The following LEPR variants were observed in gnomAD, a reference collection of about 807,000 sequenced individuals.
LEPR encodes leptin receptor.
A neutral mutation model predicts 114.7 loss-of-function variants in LEPR; 56 were observed. That is an observed-to-expected ratio of 0.49 (90% CI 0.39 to 0.61). The LOEUF is 0.61. Ranked by LOEUF, LEPR falls within the 20% of genes least tolerant of loss-of-function variation. The probability of loss-of-function intolerance (pLI) is 0.00; values close to 1 mark genes in which losing one functional copy is unlikely to be tolerated. For synonymous variants in LEPR, 443 were observed against 461.4 expected, an observed-to-expected ratio of 0.96 and a Z score of 0.51; for missense variants, 1,202 against 1,352.9, an observed-to-expected ratio of 0.89 and a Z score of 1.75.
At chr1:65,549,450 C>A (rs1178894512) in intron 2 of LEPR, among the ~76,000 whole-genome samples, 1 of 152,178 alleles carries the variant, frequency 6.6e-6, no homozygotes, top group Non-Finnish European at 1.5e-5. Context: ...TCAGGTACAC[C>A]AATCAGACGC....
chr1:65,546,239 A>T (rs1451317813), intron 2 of LEPR, among the ~76,000 whole-genome samples: 7 of 151,904 alleles, frequency 4.6e-5, no homozygotes, highest in Non-Finnish European at 1.0e-4. Context: ...AGTCAGGTAG[A>T]GTGATGCCTC....
At chr1:65,603,423 T>C (rs1326791962) in intron 10 of LEPR, among the ~76,000 whole-genome samples, 4 of 151,832 alleles carry the variant, frequency 2.6e-5, no homozygotes, top group Non-Finnish European at 5.9e-5. Flanking sequence ...GTATAGAAAA[T>C]AGAAAATGAC....
chr1:65,444,432 G>T (rs1646688040), intron 2 of LEPR, among the ~76,000 whole-genome samples: 1 of 152,050 alleles, frequency 6.6e-6, no homozygotes, highest in African/African-American at 2.4e-5. Flanking sequence ...CAACTATCTG[G>T]CCCTTCTTTG....
intron 19 of LEPR, among the ~76,000 whole-genome samples, chr1:65,630,762 T>C (rs1658486888): frequency 1.3e-5 from 2 of 152,062 alleles, no homozygotes; most frequent in Admixed American, 6.6e-5. Context: ...AGTGCTTCTG[T>C]TGGATTTTTA....
intron 2 of LEPR, among the ~76,000 whole-genome samples, chr1:65,431,506 T>A (rs1281063395): frequency 1.3e-5 from 2 of 152,258 alleles, no homozygotes; most frequent in Non-Finnish European, 2.9e-5. Flanking sequence ...GTAATTGCAC[T>A]ATTTATAATC....
intron 18 of LEPR, among the ~76,000 whole-genome samples, chr1:65,622,212 T>C (rs997914602): frequency 2.6e-5 from 4 of 152,150 alleles, no homozygotes; most frequent in Non-Finnish European, 4.4e-5. Context: ...CAGTATGTTC[T>C]TGGAGGTGGC....
chr1:65,606,509 G>A (rs1229860455), intron 11 of LEPR, among the ~76,000 whole-genome samples: 1 of 152,090 alleles, frequency 6.6e-6, no homozygotes, highest in Non-Finnish European at 1.5e-5. Flanking sequence ...CTTTAAATCC[G>A]GACTAGCCAC....
intron 14 of LEPR, among the ~76,000 whole-genome samples, chr1:65,613,956 G>C (rs929477482): frequency 6.6e-6 from 1 of 151,856 alleles, no homozygotes; most frequent in African/African-American, 2.4e-5. Flanking sequence ...ACAAATTGCT[G>C]GTGAGGATGC....
intron 5 of LEPR, among the ~76,000 whole-genome samples, chr1:65,586,256 C>G (rs1382944620): frequency 6.6e-6 from 1 of 151,010 alleles, no homozygotes; most frequent in Non-Finnish European, 1.5e-5. Context: ...TGTTAGTTCC[C>G]TCAAAGGGTG....
chr1:65,451,837 G>A (rs1026681854), intron 2 of LEPR, among the ~76,000 whole-genome samples: 41 of 152,014 alleles, frequency 2.7e-4, no homozygotes, highest in African/African-American at 8.5e-4. Flanking sequence ...AGCTTGATGG[G>A]TATGGCATTG....
At chr1:65,461,460 G>A (rs534096973) in intron 2 of LEPR, among the ~76,000 whole-genome samples, 3 of 152,202 alleles carry the variant, frequency 2.0e-5, no homozygotes, top group Non-Finnish European at 4.4e-5. Context: ...TGTAGCCAGA[G>A]AAGGGTTCCT....
chr1:65,508,275 T>G (rs1427059366), intron 2 of LEPR, among the ~76,000 whole-genome samples: 1 of 152,196 alleles, frequency 6.6e-6, no homozygotes, highest in African/African-American at 2.4e-5. Flanking sequence ...ACCAATGTCG[T>G]GAAACTTTTC....
intron 2 of LEPR, among the ~76,000 whole-genome samples, chr1:65,446,428 T>C (rs541727363): frequency 2.6e-4 from 40 of 152,212 alleles, no homozygotes; most frequent in Non-Finnish European, 5.0e-4. Flanking sequence ...TGAGCAATGA[T>C]ATCGAACAGA....
intron 2 of LEPR, among the ~76,000 whole-genome samples, chr1:65,499,948 T>C (rs751686419): frequency 2.2e-4 from 33 of 152,104 alleles, no homozygotes; most frequent in Non-Finnish European, 4.1e-4. Flanking sequence ...CCAACTCTCA[T>C]GTTAAATTGT....
chr1:65,499,774 G>A (rs1270930086), intron 2 of LEPR, among the ~76,000 whole-genome samples: 2 of 152,102 alleles, frequency 1.3e-5, no homozygotes, highest in African/African-American at 4.8e-5. Flanking sequence ...GCTCATCGAT[G>A]TTTGTTTACC....
intron 2 of LEPR, among the ~76,000 whole-genome samples, chr1:65,475,457 G>T (rs1647146607): frequency 6.6e-6 from 1 of 152,168 alleles, no homozygotes; most frequent in Non-Finnish European, 1.5e-5. Context: ...CAAAGCTACT[G>T]GGCTGGCTCA....
chr1:65,616,084 G>A lies in LEPR; in HGVS notation c.2072G>A (p.Trp691Ter). Residue 691 changes from tryptophan (W) to a stop codon, truncating the protein, a stop_gained, in exon 15 of 20, where the codon TGG becomes TAG. Transcript: ENST00000349533. LOFTEE classifies it high-confidence loss of function. Reference sequence around the variant, plus strand: ...CATCATACTTCCTGCAATGGAACATGGTCAGAAGATGTGGGAAATCACACG... The same window carrying A: ...CATCATACTTCCTGCAATGGAACATAGTCAGAAGATGTGGGAAATCACACG... ...INHHTSCNGTWSEDVGNHTKF... is the reference protein window; with the variant it reads ...INHHTSCNGT 6.2e-7 allele frequency: 1 copy of A among 1,614,178 alleles called. No homozygotes were observed.
At chr1:65,597,107 G>A (rs894003539) in intron 7 of LEPR, among the ~76,000 whole-genome samples, 1 of 152,020 alleles carries the variant, frequency 6.6e-6, no homozygotes, top group South Asian at 2.1e-4. Context: ...ACCATGGCCT[G>A]TCTTCAGCAA....
rs149383510 is a variant in LEPR at position 65,636,199 on chromosome 1, G to A, written c.2682G>A (p.Thr894=). ...TGTGTCTTTTCTTTTAGCCAGAAAC[G>A]TTTGAGCATCTTTTTATCAAGCATA... ...AQGLNFQKPE[T]FEHLFIKHTA... is the part of the protein sequence containing the mutation. Residue 894 remains threonine, a synonymous_variant, in exon 20 of 20, where the codon ACG becomes ACA. Transcript: ENST00000349533. 3.6e-5 allele frequency: 58 copies of A among 1,613,714 alleles called. No individual in the cohort carries two copies. Among genetic ancestry groups the A allele is most frequent in the Middle Eastern group, 1.7e-4 (1 of 6,058 alleles).
Sources: gnomAD v4.1 joint callset for allele counts (sites outside exome capture counted in the v4.1 genomes callset) on GRCh38, gnomAD v4.1.1 for gene constraint, MANE v1.5 for transcripts, NCBI Gene and HGNC (gene_info 2026-07-23, HGNC 2026-07-21) for gene names.